The following CELF2 variants were observed in gnomAD, a reference collection of about 807,000 sequenced individuals.
CELF2 encodes the protein CUG triplet repeat RNA-binding protein 2.
In CELF2, 8 loss-of-function variants were observed where a neutral mutation model predicts 62.6. The ratio of observed to expected loss-of-function variants is 0.13; its 90% CI spans 0.07 to 0.23. CELF2 has a LOEUF of 0.23. CELF2 is among the 10% of genes least tolerant of loss of function. The pLI is 1.00. For missense variants in CELF2, 333 were observed against 671.0 expected, an observed-to-expected ratio of 0.50 and a Z score of 5.56; for synonymous variants, 258 against 250.0, an observed-to-expected ratio of 1.03 and a Z score of -0.30.
At chr10:11,289,117 TG>T (rs1305570259) in intron 9 of CELF2, among the ~76,000 whole-genome samples, 1 of 152,238 alleles carries the variant, frequency 6.6e-6, no homozygotes, top group East Asian at 1.9e-4. Context: ...AGATGCCAGT[TG>T]TCTTTTCATA....
At chr10:10,774,490 A>G in the CELF2 span, among the ~76,000 whole-genome samples, 1 of 152,124 alleles carries the variant, frequency 6.6e-6, no homozygotes, top group Non-Finnish European at 1.5e-5. Context: ...TGCCGTTCTC[A>G]TGATAGAGTT....
At chr10:10,735,796 TC>T in the CELF2 span, among the ~76,000 whole-genome samples, 1 of 152,146 alleles carries the variant, frequency 6.6e-6, no homozygotes, top group African/African-American at 2.4e-5. Flanking sequence ...GAGCAATTAT[TC>T]CCCCTCACCC....
chr10:10,817,650 C>G (rs4749992), intron 1 of CELF2, among the ~76,000 whole-genome samples: 106,627 of 152,056 alleles, frequency 0.7, 37,566 homozygotes, highest in East Asian at 0.79. Flanking sequence ...GCAAACGACT[C>G]GATCTCATTT....
At chr10:10,782,639 T>C in the CELF2 span, among the ~76,000 whole-genome samples, 2 of 152,312 alleles carry the variant, frequency 1.3e-5, no homozygotes, top group East Asian at 1.9e-4. Flanking sequence ...TAAACAATCT[T>C]TATGGGAAGC....
the CELF2 span, among the ~76,000 whole-genome samples, chr10:10,743,053 G>C: frequency 6.6e-6 from 1 of 152,180 alleles, no homozygotes; most frequent in Non-Finnish European, 1.5e-5. Flanking sequence ...ATGTGCCTAA[G>C]GCTGTTCCCA....
the CELF2 span, among the ~76,000 whole-genome samples, chr10:10,495,119 A>AG: frequency 6.6e-6 from 1 of 152,026 alleles, no homozygotes; most frequent in Non-Finnish European, 1.5e-5. Context: ...TACTAAAAAA[A>AG]AAATGCAAAA....
At chr10:11,087,445 G>T (rs2047118433) in intron 1 of CELF2, among the ~76,000 whole-genome samples, 1 of 152,174 alleles carries the variant, frequency 6.6e-6, no homozygotes, top group South Asian at 2.1e-4. Context: ...AACTGAAATT[G>T]CCCAGGTGAA....
At chr10:11,301,384 CCCCCCT>C (rs1235601127) in intron 9 of CELF2, among the ~76,000 whole-genome samples, 1 of 94,946 alleles carries the variant, frequency 1.1e-5, no homozygotes, top group Non-Finnish European at 2.2e-5. Flanking sequence ...CCCCCCACTT[CCCCCCT>C]CCCCCCGCTT....
the CELF2 span, among the ~76,000 whole-genome samples, chr10:10,734,143 G>A: frequency 6.6e-6 from 1 of 151,454 alleles, no homozygotes. Flanking sequence ...CAACAATCTT[G>A]TCTTCTTTTT....
chr10:11,048,400 C>T (rs552373715), intron 1 of CELF2, among the ~76,000 whole-genome samples: 1 of 152,292 alleles, frequency 6.6e-6, no homozygotes, highest in South Asian at 2.1e-4. Context: ...AGAGATGAAC[C>T]TGACATATAC....
chr10:10,582,674 T>A, the CELF2 span, among the ~76,000 whole-genome samples: 1 of 152,190 alleles, frequency 6.6e-6, no homozygotes, highest in Non-Finnish European at 1.5e-5. Context: ...CTTCATATTC[T>A]CTGAGCTATA....
intron 1 of CELF2, among the ~76,000 whole-genome samples, chr10:10,834,096 A>C (rs2132315745): frequency 6.6e-6 from 1 of 152,332 alleles, no homozygotes; most frequent in East Asian, 1.9e-4. Flanking sequence ...GATAAAGAAA[A>C]TATGGTACAT....
intron 1 of CELF2, among the ~76,000 whole-genome samples, chr10:11,073,304 G>A (rs1487371563): frequency 6.6e-6 from 1 of 152,070 alleles, no homozygotes; most frequent in African/African-American, 2.4e-5. Context: ...TTATATTTTG[G>A]TGGCACTTAA....
intron 2 of CELF2, among the ~76,000 whole-genome samples, chr10:10,994,256 T>C (rs1210898557): frequency 6.6e-6 from 1 of 152,198 alleles, no homozygotes; most frequent in Non-Finnish European, 1.5e-5. Context: ...ATTCTGATTA[T>C]TTTTATATTG....
At chr10:11,322,818 G>A (rs1444636194) in intron 11 of CELF2, among the ~76,000 whole-genome samples, 1 of 151,976 alleles carries the variant, frequency 6.6e-6, no homozygotes, top group Non-Finnish European at 1.5e-5. Context: ...TGGTTCCCCA[G>A]GCTTGTGAAA....
At chr10:11,181,744 T>A (rs1164389428) in intron 2 of CELF2, among the ~76,000 whole-genome samples, 2 of 152,260 alleles carry the variant, frequency 1.3e-5, no homozygotes, top group Non-Finnish European at 2.9e-5. Context: ...TGGGGCTGTT[T>A]TAGTCCATTG....
At position 11,336,196 on chromosome 10, in the gene CELF2, C is replaced by T. The variant is rs1265973596; in HGVS notation, c.*7143C>T. 6.6e-6 allele frequency: 1 copy of T among 152,654 alleles called. No homozygotes were observed. The highest frequency in any genetic ancestry group is 1.5e-5 in the Non-Finnish European group (1 of 68,044). 9.5% of individuals were successfully genotyped at this position (152,654 alleles called of 1,614,324 possible). A position where few individuals can be genotyped will look rare whatever the true frequency, so the allele number is the denominator to read the frequency against. On this transcript the variant is annotated 3_prime_UTR_variant, in exon 13 of 13. Coordinates refer to ENST00000633077, the MANE Select transcript of CELF2 (RefSeq NM_001326342.2). This position sits in a 1 kb window ranked among gnomAD's most constrained non-coding sequence, Gnocchi z 5.4. ...CAGTGAACATTAATGTACTGTGAATCGTTCCTGATAAGTGAATAAAACATT... is the reference window on the plus strand; with the variant it reads ...CAGTGAACATTAATGTACTGTGAATTGTTCCTGATAAGTGAATAAAACATT...
At chr10:10,554,701 T>C in the CELF2 span, among the ~76,000 whole-genome samples, 1 of 152,108 alleles carries the variant, frequency 6.6e-6, no homozygotes, top group South Asian at 2.1e-4. Flanking sequence ...CCTATTTGGC[T>C]TTTCAGCTCT....
At position 11,288,501 on chromosome 10, in the gene CELF2, G is replaced by A. The variant is rs371139361; in HGVS notation, c.925G>A (p.Ala309Thr). 3.1e-6 allele frequency: 5 copies of A among 1,613,972 alleles called. No homozygotes were observed. The highest frequency in any genetic ancestry group is 4.5e-5 in the East Asian group (2 of 44,880). The change falls in exon 9 of 13, where the codon GCA becomes ACA. Residue 309 changes from alanine to threonine, a missense_variant. Transcript: ENST00000633077. ...CCAGACCTCAGCCACCAGCACCAAT[G>A]CAAACCCTCTCTCTACCACGAGCAG... ...AAQTSATSTN[A>T]NPLSTTSSAL...
Sources: allele counts gnomAD v4.1 joint callset (sites outside exome capture counted in the v4.1 genomes callset), GRCh38; gene constraint gnomAD v4.1.1; non-coding constraint Gnocchi (gnomAD v3.1); transcripts MANE v1.5; gene names NCBI Gene and HGNC (gene_info 2026-07-23, HGNC 2026-07-21).